BET1: variants seen among roughly 807,000 people sequenced by gnomAD.
BET1 encodes the protein Bet1 golgi vesicular membrane trafficking protein.
BET1 carries 9 observed loss-of-function variants against 13.9 expected under a neutral mutation model. The ratio of observed to expected loss-of-function variants is 0.65; its 90% confidence interval spans 0.39 to 1.13. BET1 has a LOEUF of 1.13. Ranked by LOEUF, BET1 falls within the 50% of genes most tolerant of loss-of-function variation. The pLI is 0.01. For synonymous variants in BET1, 39 were observed against 47.3 expected (o/e 0.82, Z 0.72); for missense variants, 127 against 133.6 (o/e 0.95, Z 0.24).
At chr7:93,974,567 A>C (rs542728502) in intron 5 of BET1, among the ~76,000 whole-genome samples, 1 of 152,166 alleles carries the variant, frequency 6.6e-6, no homozygotes. Context: ...AAAAAATGTA[A>C]TTGGATTATA....
At chr7:93,981,482 G>A in intron 4 of BET1, among the ~76,000 whole-genome samples, 1 of 152,102 alleles carries the variant, frequency 6.6e-6, no homozygotes, top group East Asian at 1.9e-4. Context: ...AACAAAGCCT[G>A]ATTCAAAAGC....
At chr7:93,994,728 T>C (rs1795723842) in intron 3 of BET1, among the ~76,000 whole-genome samples, 1 of 152,138 alleles carries the variant, frequency 6.6e-6, no homozygotes. Flanking sequence ...ATCACACAGA[T>C]TTTTTTCCCC....
At chr7:93,999,318 G>A (rs954332880) in intron 1 of BET1, 24 bp from the exon 2 acceptor site, 8 of 1,589,496 alleles carry the variant, frequency 5.0e-6, no homozygotes, top group African/African-American at 1.4e-5. Context: ...AGTCACAAAG[G>A]TGGTTCTAGA....
rs1795701289 is a variant in BET1, at chr7:93,994,052, C to T, written c.*178G>A. On this transcript the variant is annotated 3_prime_UTR_variant, in exon 4 of 4. Transcript: ENST00000222547. Reference sequence around the variant, plus strand: ...GGGGCTAAAATGAGTCATTAAGAAACAGTATTCAAAGACCACTGTATTAAC... The same window carrying T: ...GGGGCTAAAATGAGTCATTAAGAAATAGTATTCAAAGACCACTGTATTAAC... The T allele has an allele frequency of 2.7e-6, 4 of 1,461,178 alleles. No homozygotes were observed. 90.5% of individuals were successfully genotyped at this position (1,461,178 alleles called of 1,614,324 possible).
intron 3 of BET1, among the ~76,000 whole-genome samples, chr7:93,994,718 A>G (rs544184166): frequency 1.3e-5 from 2 of 152,360 alleles, no homozygotes; most frequent in Non-Finnish European, 2.9e-5. Context: ...TTTGTGCATT[A>G]TCACACAGAT....
At chr7:93,971,952 A>T (rs1795264622) in intron 6 of BET1, among the ~76,000 whole-genome samples, 1 of 151,354 alleles carries the variant, frequency 6.6e-6, no homozygotes, top group African/African-American at 2.4e-5. Flanking sequence ...AAAAAAAGCC[A>T]TTGGATATGA....
chr7:93,996,751 G>T (rs1795779950), intron 2 of BET1, among the ~76,000 whole-genome samples: 1 of 150,100 alleles, frequency 6.7e-6, no homozygotes, highest in African/African-American at 2.4e-5. Flanking sequence ...TAGGTTTGGG[G>T]GTACAGGTGA....
At chr7:94,002,748 C>G (rs1434803514) in intron 1 of BET1, among the ~76,000 whole-genome samples, 4 of 152,124 alleles carry the variant, frequency 2.6e-5, no homozygotes, top group Non-Finnish European at 5.9e-5. Context: ...AGTGTGATCC[C>G]GAATCCCCTA....
At chr7:93,966,483 C>T (rs1584120414) in intron 6 of BET1, among the ~76,000 whole-genome samples, 1 of 151,752 alleles carries the variant, frequency 6.6e-6, no homozygotes, top group Non-Finnish European at 1.5e-5. Context: ...AATCTTGATT[C>T]TTTTAAGCAA....
chr7:93,968,094 C>T (rs1324408393), intron 6 of BET1, among the ~76,000 whole-genome samples: 2 of 151,772 alleles, frequency 1.3e-5, no homozygotes, highest in East Asian at 3.9e-4. Context: ...CCATACTACT[C>T]CTACCACCTC....
intron 2 of BET1, among the ~76,000 whole-genome samples, chr7:93,996,595 C>A (rs1795776964): frequency 6.6e-6 from 1 of 151,654 alleles, no homozygotes; most frequent in South Asian, 2.1e-4. Flanking sequence ...TGTACTACTT[C>A]TCTCTGATTC....
downstream of BET1, among the ~76,000 whole-genome samples, chr7:93,991,321 T>C (rs1031216104): frequency 6.6e-6 from 1 of 152,220 alleles, no homozygotes; most frequent in African/African-American, 2.4e-5. Flanking sequence ...AATTCACCAG[T>C]TAATTTCATG....
chr7:93,963,514 C>T (rs1795130210), exon 7 of BET1: 1 of 151,978 alleles, frequency 6.6e-6, no homozygotes, highest in South Asian at 2.1e-4. Flanking sequence ...TAAGTCTTCA[C>T]TGAGGGAAGG....
At chr7:93,968,336 A>G (rs550995011) in intron 6 of BET1, 1 of 151,958 alleles carries the variant, frequency 6.6e-6, no homozygotes, top group African/African-American at 2.4e-5. Context: ...TTTCAAAACC[A>G]TACATACAAA....
chr7:93,999,712 A>G (rs767669206), intron 1 of BET1: 16 of 456,634 alleles, frequency 3.5e-5, no homozygotes, highest in South Asian at 2.5e-4. Flanking sequence ...ATACAGAAGG[A>G]CGGGAGCTCA....
rs1244527674 is a variant in BET1, at chr7:94,004,247, G to A, written c.-31C>T. 9 of 1,614,074 alleles carry A rather than the reference G, an allele frequency of 5.6e-6. No homozygotes were observed. The South Asian group carries it at 9.9e-5, about 18-fold the overall frequency. On this transcript the variant is annotated 5_prime_UTR_variant, in exon 1 of 4. Transcript: ENST00000222547. The stretch of plus-strand genomic sequence containing the variant: ...CAGAGGAGAGAGAGAAAAGGCGGGT[G>A]CGGGGCTTTGGGTGAGTAGGAAACA...
intron 4 of BET1, among the ~76,000 whole-genome samples, chr7:93,987,883 C>T (rs956737428): frequency 1.3e-5 from 2 of 152,156 alleles, no homozygotes; most frequent in Non-Finnish European, 2.9e-5. Context: ...AATTTTAACT[C>T]ATCTTCCCTC....
At chr7:94,003,409 T>C (rs1795957050) in intron 1 of BET1, among the ~76,000 whole-genome samples, 1 of 152,126 alleles carries the variant, frequency 6.6e-6, no homozygotes, top group Non-Finnish European at 1.5e-5. Context: ...TTTCAAATGT[T>C]TCATTTATTT....
At chr7:93,989,504 G>T (rs940228990), downstream of BET1, among the ~76,000 whole-genome samples, 1 of 152,180 alleles carries the variant, frequency 6.6e-6, no homozygotes, top group Non-Finnish European at 1.5e-5. Flanking sequence ...TACACTGTGT[G>T]TAAGTGCAAG....
Sources: allele counts gnomAD v4.1 joint callset (sites outside exome capture counted in the v4.1 genomes callset), GRCh38; gene constraint gnomAD v4.1.1; transcripts MANE v1.5; gene names NCBI Gene and HGNC (gene_info 2026-07-23, HGNC 2026-07-21).